Variants in CDKL3 observed in about 807,000 individuals in gnomAD.
The protein encoded by CDKL3 is cyclin dependent kinase like 3.
In CDKL3, 65 loss-of-function variants were observed where a neutral mutation model predicts 69.3. The ratio of observed to expected loss-of-function variants is 0.94; its 90% CI spans 0.77 to 1.15. The LOEUF (loss-of-function observed/expected upper bound fraction) is 1.15, where lower values mean the gene tolerates loss of function less well. CDKL3 is among the 50% of genes most tolerant of loss of function. The pLI is 0.00. For missense variants in CDKL3, 652 were observed against 689.2 expected (o/e 0.95, Z 0.61); for synonymous variants, 202 against 221.6 (o/e 0.91, Z 0.79).
intron 3 of CDKL3, among the ~76,000 whole-genome samples, chr5:134,359,166 T>C (rs151319095): frequency 1.5e-3 from 224 of 151,720 alleles, no homozygotes; most frequent in African/African-American, 5.2e-3. Flanking sequence ...AGGAGCACCG[T>C]CATCTCGGAC....
intron 2 of CDKL3, among the ~76,000 whole-genome samples, chr5:134,363,455 G>A (rs947262559): frequency 4.1e-5 from 6 of 146,430 alleles, no homozygotes; most frequent in South Asian, 2.2e-4. Flanking sequence ...CACCATGGCC[G>A]GCTTTTTTTT....
rs181011349 is a variant in CDKL3, at chr5:134,315,485, C to T, written c.793-3105G>A. ...TAGCTAGGACTACAAGTGGGTATCA[C>T]GACACCCTATGTTTAGAGACCCTTT... On this transcript the variant is annotated intron_variant, in intron 6 of 12. Coordinates refer to ENST00000265334, the MANE Select transcript of CDKL3 (RefSeq NM_001113575.2). Among the ~76,000 whole-genome samples the T allele has an allele frequency of 2.2e-4, 34 of 152,166 alleles. No homozygotes were observed. The East Asian group carries it at 6.2e-3, about 28-fold the overall frequency.
chr5:134,363,604 GCA>G (rs1756603992), intron 2 of CDKL3, among the ~76,000 whole-genome samples: 1 of 151,904 alleles, frequency 6.6e-6, no homozygotes, highest in Admixed American at 6.6e-5. Flanking sequence ...GGGACTACAG[GCA>G]CACACTGCCA....
intron 3 of CDKL3, among the ~76,000 whole-genome samples, chr5:134,352,075 A>T (rs557911635): frequency 6.6e-6 from 1 of 152,244 alleles, no homozygotes; most frequent in Non-Finnish European, 1.5e-5. Context: ...GGTAACTACC[A>T]TTCTACTCTC....
At chr5:134,341,601 A>G (rs1750511382) in intron 4 of CDKL3, among the ~76,000 whole-genome samples, 1 of 152,274 alleles carries the variant, frequency 6.6e-6, no homozygotes, top group African/African-American at 2.4e-5. Context: ...TTTTCTAACA[A>G]AAAGCAGCCT....
chr5:134,302,470 C>A, intron 12 of CDKL3, 120 bp downstream of exon 12: 1 of 626,376 alleles, frequency 1.6e-6, no homozygotes, highest in Non-Finnish European at 2.8e-6. Context: ...TTCTTTAGTT[C>A]AAAGATTATA....
At chr5:134,314,529 T>C (rs1339420060) in intron 6 of CDKL3, among the ~76,000 whole-genome samples, 3 of 152,178 alleles carry the variant, frequency 2.0e-5, no homozygotes, top group Non-Finnish European at 2.9e-5. Flanking sequence ...TTATTTGTAA[T>C]AGCGAAAAGT....
chr5:134,365,720 C>T (rs1561660886), intron 2 of CDKL3, among the ~76,000 whole-genome samples: 1 of 152,188 alleles, frequency 6.6e-6, no homozygotes, highest in Non-Finnish European at 1.5e-5. Flanking sequence ...TTCTAATATA[C>T]CTCTTTCCAA....
In CDKL3 at chr5:134,366,410, T is replaced by A. The variant is rs1757457649; in HGVS notation, c.114A>T (p.Arg38Ser). 1.2e-6 allele frequency: 2 copies of A among 1,600,094 alleles called. No homozygotes were observed. Among genetic ancestry groups the A allele is most frequent in the Non-Finnish European group, 1.7e-6 (2 of 1,173,470 alleles). Residue 38 changes from arginine (R) to serine (S), a missense_variant, in exon 2 of 13, where the codon AGA becomes AGT. By Grantham distance (110) the Arg-to-Ser change is moderately radical. Coordinates refer to ENST00000265334, the MANE Select transcript of CDKL3 (RefSeq NM_001113575.2). Reference sequence around the variant, plus strand: ...CAATTTTGTTGACAGATTGTTCTGGTCTCTCATAAAATATCTTAATGGCCA... The same window carrying A: ...CAATTTTGTTGACAGATTGTTCTGGACTCTCATAAAATATCTTAATGGCCA... ...QIVAIKIFYE[R>S]PEQSVNKIAM... is the part of the protein sequence containing the mutation.
In CDKL3 at chr5:134,292,025, A is replaced by C. The variant is rs142566726; in HGVS notation, c.*678-5466T>G. 4.6e-5 allele frequency among the ~76,000 whole-genome samples: 7 copies of C among 152,336 alleles called. No homozygotes were observed. The East Asian group carries it at 1.3e-3, about 29-fold the overall frequency. On this transcript the variant is annotated intron_variant and NMD_transcript_variant, in intron 8 of 8. Coordinates refer to the CDKL3 transcript ENST00000519312. ...AAGAGCAACAGACAAATCCACGATT[A>C]TAATTGAGGATTTCAACAGTCTTCC...
intron 2 of CDKL3, among the ~76,000 whole-genome samples, chr5:134,362,184 T>C (rs561081014): frequency 2.0e-5 from 3 of 152,352 alleles, no homozygotes; most frequent in African/African-American, 7.2e-5. Flanking sequence ...ATATTCTCAC[T>C]AATTACTCTA....
chr5:134,331,466 C>A (rs1372393283), intron 4 of CDKL3, among the ~76,000 whole-genome samples: 8 of 152,126 alleles, frequency 5.3e-5, no homozygotes, highest in African/African-American at 1.4e-4. Flanking sequence ...GGCCCCCACC[C>A]ACCAACAGGC....
intron 2 of CDKL3, among the ~76,000 whole-genome samples, chr5:134,364,159 C>T (rs1022197342): frequency 6.6e-6 from 1 of 152,034 alleles, no homozygotes; most frequent in Admixed American, 6.6e-5. Flanking sequence ...AAATAGAATA[C>T]ATACTTATTT....
At chr5:134,293,498 C>A (rs554673661), downstream of CDKL3, among the ~76,000 whole-genome samples, 1 of 152,046 alleles carries the variant, frequency 6.6e-6, no homozygotes, top group Admixed American at 6.5e-5. Context: ...AACCAAAATC[C>A]TTCATTAATA....
At chr5:134,331,706 T>G (rs1416061116) in intron 4 of CDKL3, among the ~76,000 whole-genome samples, 1 of 152,222 alleles carries the variant, frequency 6.6e-6, no homozygotes, top group Admixed American at 6.5e-5. Flanking sequence ...CTATTATTGA[T>G]GGACATTTGG....
At chr5:134,371,311 C>T (rs1378260350), upstream of CDKL3, 7 of 556,466 alleles carry the variant, frequency 1.3e-5, no homozygotes, top group African/African-American at 1.2e-4. Flanking sequence ...TCTATTACTT[C>T]AGGAAGCCCA....
chr5:134,350,498 C>T (rs1752986677), intron 3 of CDKL3, 71 bp from the exon 4 acceptor site: 1 of 1,034,018 alleles, frequency 9.7e-7, no homozygotes, highest in African/African-American at 1.6e-5. Flanking sequence ...AAAAATTATA[C>T]TGAGAAAATC....
chr5:134,310,393 C>T (rs886477146), intron 7 of CDKL3, among the ~76,000 whole-genome samples: 1 of 151,580 alleles, frequency 6.6e-6, no homozygotes, highest in Admixed American at 6.6e-5. Flanking sequence ...GGTTTCACCG[C>T]GTTAGTCAGG....
intron 4 of CDKL3, among the ~76,000 whole-genome samples, chr5:134,347,754 G>A (rs1254282052): frequency 6.9e-6 from 1 of 145,832 alleles, no homozygotes; most frequent in Non-Finnish European, 1.5e-5. Context: ...TATGTTAAGT[G>A]AAAAAAGCTA....
Sources: gnomAD v4.1 joint callset for allele counts (sites outside exome capture counted in the v4.1 genomes callset) on GRCh38, gnomAD v4.1.1 for gene constraint, MANE v1.5 for transcripts, NCBI Gene and HGNC (gene_info 2026-07-23, HGNC 2026-07-21) for gene names.